Variants in SRRM1 observed in about 807,000 individuals in gnomAD.
SRRM1 encodes the protein serine/arginine repetitive matrix protein 1.
Under a neutral mutation model 110.2 loss-of-function variants are expected in SRRM1, and 19 were observed. The ratio of observed to expected loss-of-function variants is 0.17; its 90% confidence interval spans 0.12 to 0.25. SRRM1 has a LOEUF of 0.25. SRRM1 is among the 10% of genes least tolerant of loss of function. The pLI, the probability that SRRM1 is intolerant of heterozygous loss-of-function variation, is 1.00. For synonymous variants in SRRM1, 443 were observed against 414.9 expected (o/e 1.07, Z -0.82); for missense variants, 918 against 1,145.8 (o/e 0.80, Z 2.87).
chr1:24,666,667 A>T, intron 12 of SRRM1, 148 bp from the exon 13 acceptor site: 5 of 590,418 alleles, frequency 8.5e-6, no homozygotes, highest in Non-Finnish European at 1.2e-5. Context: ...CAGGAGGCTG[A>T]GGGGGGAGAA....
At chr1:24,646,879 T>C in intron 3 of SRRM1, 90 bp downstream of exon 3, 1 of 1,024,154 alleles carries the variant, frequency 9.8e-7, no homozygotes, top group Non-Finnish European at 1.4e-6. Context: ...AGTGCAAATA[T>C]AGAAGGGTTA....
intron 9 of SRRM1, among the ~76,000 whole-genome samples, chr1:24,659,622 A>G (rs556015291): frequency 2.6e-5 from 4 of 152,348 alleles, no homozygotes; most frequent in African/African-American, 9.6e-5. Context: ...TGGCCTAAAA[A>G]TAGATTCTTG....
chr1:24,644,008 T>A (rs1017817238), intron 1 of SRRM1, among the ~76,000 whole-genome samples: 1 of 152,074 alleles, frequency 6.6e-6, no homozygotes, highest in Non-Finnish European at 1.5e-5. Context: ...GGGTAGAGGG[T>A]GCAACGAAAA....
At chr1:24,655,613 C>T (rs1460498947) in intron 9 of SRRM1, among the ~76,000 whole-genome samples, 1 of 152,058 alleles carries the variant, frequency 6.6e-6, no homozygotes, top group Non-Finnish European at 1.5e-5. Context: ...AGGTTCTAGG[C>T]AGGGTTCTTC....
Position 24,648,914 on chromosome 1 carries a change from A to G in SRRM1, c.290A>G (p.Asn97Ser). ...INLTGFLNGK[N>S]AREFMGELWP... ...CTGACTGGATTTTTGAATGGAAAAA[A>G]TGCTCGAGAATTTATGGGAGAACTG... Residue 97 changes from asparagine (N) to serine (S), a missense_variant, in exon 4 of 17, where the codon AAT becomes AGT. Around this residue, in one of 5 missense-constraint regions of SRRM1, gnomAD observed 38 missense variants for 144.5 expected, o/e 0.26. Transcript: ENST00000323848. The G allele has an allele frequency of 6.2e-7, 1 of 1,613,402 alleles. No homozygotes were observed. Among genetic ancestry groups the G allele is most frequent in the Non-Finnish European group, 8.5e-7 (1 of 1,179,854 alleles).
chr1:24,666,689 T>C lies in SRRM1; in HGVS notation c.1629-126T>C, dbSNP rs940775007. The C allele has an allele frequency of 2.1e-4, 138 of 659,860 alleles. 1 individual carries two copies. The African/African-American group carries it at 2.3e-3, about 11-fold the overall frequency. The allele number at this position is 659,860 out of a possible 1,614,324, so 40.9% of individuals were successfully genotyped here. A position where few individuals can be genotyped will look rare whatever the true frequency, so the allele number is the denominator to read the frequency against. On this transcript the variant is annotated intron_variant, in intron 12 of 16. Transcript: ENST00000323848. Reference sequence around the variant, plus strand: ...CTGAGGGGGGAGAATTGCTTGAACCTGGGAGGCGGAGGTTGCAGTGAGCCA... The same window carrying C: ...CTGAGGGGGGAGAATTGCTTGAACCCGGGAGGCGGAGGTTGCAGTGAGCCA...
Position 24,672,416 on chromosome 1 carries a change from TA to T in SRRM1, c.*137del. ...AATTGCTAGGTTGAAGTTCAACATGTAAAAAAAGGGGGCATGGATTTACATT... is the reference window on the plus strand; with the variant it reads ...AATTGCTAGGTTGAAGTTCAACATGTAAAAAAGGGGGCATGGATTTACATT... On this transcript the variant is annotated 3_prime_UTR_variant, in exon 17 of 17. Coordinates refer to ENST00000323848, the MANE Select transcript of SRRM1 (RefSeq NM_005839.4). 3.5e-5 allele frequency: 21 copies of T among 601,424 alleles called. No individual in the cohort carries two copies. Among genetic ancestry groups the T allele is most frequent in the East Asian group, 1.2e-4 (4 of 32,028 alleles). The allele number at this position is 601,424 out of a possible 1,614,324, so 37.3% of individuals were successfully genotyped here. A position where few individuals can be genotyped will look rare whatever the true frequency, so the allele number is the denominator to read the frequency against.
rs1553181669 is a variant in SRRM1 at position 24,672,977 on chromosome 1, G to GC, written c.*691_*692insC. 19 of 151,650 alleles carry GC rather than the reference G, an allele frequency of 1.3e-4. No individual in the cohort carries two copies. The highest frequency in any genetic ancestry group is 2.9e-5 in the Non-Finnish European group (2 of 67,936). The allele number at this position is 151,650 out of a possible 1,614,324, so 9.4% of individuals were successfully genotyped here. Reference sequence around the variant, plus strand: ...ATTCTGGTTTTGTTTTTTTTGTTTTGTTTTTTTTCTTTTGTAAAGGCAATG... The same window carrying GC: ...ATTCTGGTTTTGTTTTTTTTGTTTTGCTTTTTTTTCTTTTGTAAAGGCAATG... On this transcript the variant is annotated 3_prime_UTR_variant, in exon 17 of 17. Coordinates refer to ENST00000323848, the MANE Select transcript of SRRM1 (RefSeq NM_005839.4).
In SRRM1 at chr1:24,672,317, T is replaced by G; in HGVS notation, c.*31T>G. On this transcript the variant is annotated 3_prime_UTR_variant, in exon 17 of 17. Coordinates refer to ENST00000323848, the MANE Select transcript of SRRM1 (RefSeq NM_005839.4). The stretch of plus-strand genomic sequence containing the variant: ...AATGTTTGTTATGATGTAAATTTTA[T>G]TTGGTTTGTACGCAGTTCAATTTCA... 2.0e-6 allele frequency: 3 copies of G among 1,512,360 alleles called. No individual in the cohort carries two copies. The highest frequency in any genetic ancestry group is 2.7e-6 in the Non-Finnish European group (3 of 1,107,254). 93.7% of individuals were successfully genotyped at this position (1,512,360 alleles called of 1,614,324 possible).
chr1:24,648,746 G>T (rs1461464370), intron 3 of SRRM1, 113 bp from the exon 4 acceptor site: 1 of 851,696 alleles, frequency 1.2e-6, no homozygotes, highest in Non-Finnish European at 1.8e-6. Context: ...ATATGTCTAA[G>T]CCCCTATGGT....
intron 10 of SRRM1, 92 bp from the exon 11 acceptor site, chr1:24,661,218 A>T (rs1274465442): frequency 1.2e-6 from 1 of 833,804 alleles, no homozygotes; most frequent in African/African-American, 1.7e-5. Flanking sequence ...ATCCAACCAA[A>T]TGAAGGTTTG....
At chr1:24,661,463 C>T (rs1667183912) in intron 11 of SRRM1, 67 bp downstream of exon 11, 13 of 1,132,886 alleles carry the variant, frequency 1.1e-5, no homozygotes, top group Non-Finnish European at 1.6e-5. Flanking sequence ...GGTATATAAA[C>T]ATCTGTGTGT....
At chr1:24,643,854 C>T (rs1304040809) in intron 1 of SRRM1, 2 of 153,464 alleles carry the variant, frequency 1.3e-5, no homozygotes, top group African/African-American at 4.8e-5. Context: ...GCCCTCCCCG[C>T]CCCCCAACGT....
intron 15 of SRRM1, 117 bp from the exon 16 acceptor site, chr1:24,671,269 C>G: frequency 2.6e-6 from 3 of 1,141,876 alleles, no homozygotes; most frequent in East Asian, 4.7e-5. Flanking sequence ...CCCTCCAAAG[C>G]CTTTCGGAAA....
At position 24,646,092 on chromosome 1, in the gene SRRM1, C is replaced by T. The variant is rs773444129; in HGVS notation, c.111+19C>T. 123 of 1,578,126 alleles carry T rather than the reference C, an allele frequency of 7.8e-5. No homozygotes were observed. The highest frequency in any genetic ancestry group is 1.1e-4 in the Non-Finnish European group (121 of 1,148,884). Reference sequence around the variant, plus strand: ...AAAAAAGGTATTCTTCTGGATGAGACTGTTGTGCATCTTTATAGCACACTT... The same window carrying T: ...AAAAAAGGTATTCTTCTGGATGAGATTGTTGTGCATCTTTATAGCACACTT... On this transcript the variant is annotated intron_variant, in intron 2 of 16. Coordinates refer to ENST00000323848, the MANE Select transcript of SRRM1 (RefSeq NM_005839.4).
At chr1:24,662,198 A>G (rs1667605275) in intron 11 of SRRM1, among the ~76,000 whole-genome samples, 1 of 152,226 alleles carries the variant, frequency 6.6e-6, no homozygotes, top group African/African-American at 2.4e-5. Flanking sequence ...CTGTAACCCC[A>G]ACACTTTGGG....
intron 12 of SRRM1, 82 bp downstream of exon 12, chr1:24,662,886 G>A: frequency 6.5e-7 from 1 of 1,544,462 alleles, no homozygotes; most frequent in Non-Finnish European, 8.8e-7. Flanking sequence ...TTGAGAATTT[G>A]GTTAACTCCT....
chr1:24,672,472 A>G lies in SRRM1; in HGVS notation c.*186A>G. ...AAGGTGTCCACAGTGTATTAGTGAC[A>G]TTCTTTCATTGACAGCTGACATAAT... On this transcript the variant is annotated 3_prime_UTR_variant, in exon 17 of 17. Transcript: ENST00000323848. 1 of 365,910 alleles carries G rather than the reference A, an allele frequency of 2.7e-6. No homozygotes were observed. Among genetic ancestry groups the G allele is most frequent in the Non-Finnish European group, 5.1e-6 (1 of 197,966 alleles). 22.7% of individuals were successfully genotyped at this position (365,910 alleles called of 1,614,324 possible).
Position 24,660,799 on chromosome 1 carries a change from G to C in SRRM1, c.1396G>C (p.Glu466Gln). 6.3e-7 allele frequency: 1 copy of C among 1,583,730 alleles called. No individual in the cohort carries two copies. Among genetic ancestry groups the C allele is most frequent in the Non-Finnish European group, 8.6e-7 (1 of 1,168,078 alleles). Residue 466 changes from glutamate to glutamine, a missense_variant and splice_region_variant, in exon 10 of 17, where the codon GAA (glutamate) becomes CAA (glutamine). Coordinates refer to ENST00000323848, the MANE Select transcript of SRRM1 (RefSeq NM_005839.4). ...TAGAAAAGTAGAGTTATCTGAATCG[G>C]GTAAGTTTGTTGTTTTTTTTTGTGA... is the stretch of plus-strand genomic sequence containing the variant. Reference protein sequence around the residue: ...KPRKVELSESEEDKGGKMAAA... With the variant: ...KPRKVELSESQEDKGGKMAAA...
Sources: allele counts gnomAD v4.1 joint callset (sites outside exome capture counted in the v4.1 genomes callset), GRCh38; gene constraint gnomAD v4.1.1; regional missense constraint gnomAD v4.1.1; transcripts MANE v1.5; gene names NCBI Gene and HGNC (gene_info 2026-07-23, HGNC 2026-07-21).